Variants in TMPRSS2 observed in about 807,000 individuals in gnomAD.
The protein encoded by TMPRSS2 is transmembrane serine protease 2.
TMPRSS2 carries 59 observed loss-of-function variants against 67.4 expected under a neutral mutation model. That is an observed-to-expected ratio of 0.88 (90% CI 0.71 to 1.09). The LOEUF is 1.09. Among genes scored for constraint, TMPRSS2 ranks in the 50% least tolerant of loss-of-function variants. The probability of loss-of-function intolerance (pLI) is 0.00; values close to 1 mark genes in which losing one functional copy is unlikely to be tolerated. For missense variants in TMPRSS2, 668 were observed against 642.7 expected, an observed-to-expected ratio of 1.04 and a Z score of -0.43; for synonymous variants, 257 against 257.0, an observed-to-expected ratio of 1.00 and a Z score of 0.00.
At position 41,489,582 on chromosome 21, in the gene TMPRSS2, C is replaced by T. The variant is rs780918565; in HGVS notation, c.250G>A (p.Ala84Thr). The T allele has an allele frequency of 1.2e-6, 2 of 1,613,898 alleles. No homozygotes were observed. Among genetic ancestry groups the T allele is most frequent in the East Asian group, 2.2e-5 (1 of 44,896 alleles). The stretch of plus-strand genomic sequence containing the variant: ...CCCAGGGTCAAGGTGATGCACAGTG[C>T]TTTCTTAGTCTCTGGAAGAAGGAGG... ...GTVCTSKTKKALCITLTLGTF... is the reference protein window; with the variant it reads ...GTVCTSKTKKTLCITLTLGTF... The change falls in exon 4 of 14, where the codon GCA (alanine) becomes ACA (threonine). Residue 84 changes from alanine (A) to threonine (T), a missense_variant. Physicochemically the swap from Ala to Thr is moderately conservative, Grantham distance 58. Coordinates refer to ENST00000332149, the MANE Select transcript of TMPRSS2 (RefSeq NM_005656.4).
chr21:41,489,832 G>A (rs558043302), intron 3 of TMPRSS2, among the ~76,000 whole-genome samples: 8 of 152,216 alleles, frequency 5.3e-5, no homozygotes, highest in African/African-American at 1.9e-4. Flanking sequence ...AAAGTACACC[G>A]AGGTTAGGCT....
At chr21:41,488,215 G>T (rs2091311609) in intron 5 of TMPRSS2, among the ~76,000 whole-genome samples, 179 bp downstream of exon 5, 1 of 152,202 alleles carries the variant, frequency 6.6e-6, no homozygotes, top group Non-Finnish European at 1.5e-5. Flanking sequence ...GCTGGGTGAG[G>T]TTGGGCCGGA....
chr21:41,480,736 T>A (rs2091250887), intron 5 of TMPRSS2, 134 bp from the exon 6 acceptor site: 1 of 1,260,420 alleles, frequency 7.9e-7, no homozygotes, highest in Admixed American at 2.1e-5. Context: ...CCTCCCAGGT[T>A]CAAGTGATTC....
At position 41,498,075 on chromosome 21, in the gene TMPRSS2, A is replaced by G. The variant is rs772008934; in HGVS notation, c.15+44T>C. 7 of 1,425,240 alleles carry G rather than the reference A, an allele frequency of 4.9e-6. No homozygotes were observed. The South Asian group carries it at 7.1e-5, about 14-fold the overall frequency. 88.3% of individuals were successfully genotyped at this position (1,425,240 alleles called of 1,614,324 possible). On this transcript the variant is annotated intron_variant, in intron 2 of 13. Coordinates refer to ENST00000332149, the MANE Select transcript of TMPRSS2 (RefSeq NM_005656.4). Reference sequence around the variant, plus strand: ...AATGTTGGGAATAACAGAAGGGACAAGGGAACAAAGAAAAGGCCAGGAAGG... The same window carrying G: ...AATGTTGGGAATAACAGAAGGGACAGGGGAACAAAGAAAAGGCCAGGAAGG...
chr21:41,492,179 C>A (rs1170664786), intron 3 of TMPRSS2, among the ~76,000 whole-genome samples: 1 of 152,022 alleles, frequency 6.6e-6, no homozygotes, highest in Admixed American at 6.6e-5. Flanking sequence ...GGTGACAGAG[C>A]GAGACTTTGT....
intron 11 of TMPRSS2, among the ~76,000 whole-genome samples, chr21:41,469,908 T>C (rs1448213495): frequency 6.6e-6 from 1 of 152,110 alleles, no homozygotes; most frequent in Admixed American, 6.5e-5. Flanking sequence ...TTCCATGAGG[T>C]CTTTTGCCCA....
At chr21:41,473,585 G>T in intron 8 of TMPRSS2, 89 bp from the exon 9 acceptor site, 1 of 1,404,852 alleles carries the variant, frequency 7.1e-7, no homozygotes, top group Non-Finnish European at 9.7e-7. Context: ...GGTCTCCCAG[G>T]CTGCAAGGAC....
intron 3 of TMPRSS2, among the ~76,000 whole-genome samples, chr21:41,490,127 G>C (rs1221352903): frequency 7.4e-6 from 1 of 134,608 alleles, no homozygotes; most frequent in Non-Finnish European, 1.5e-5. Context: ...CAGCCTGGGC[G>C]ACAGAGCAAA....
At chr21:41,481,901 A>C (rs1270725153) in intron 5 of TMPRSS2, among the ~76,000 whole-genome samples, 1 of 152,058 alleles carries the variant, frequency 6.6e-6, no homozygotes, top group African/African-American at 2.4e-5. Flanking sequence ...ATCTCTACTA[A>C]AATGCAAAAA....
chr21:41,486,930 G>C (rs952309501), intron 5 of TMPRSS2: 1 of 152,202 alleles, frequency 6.6e-6, no homozygotes, highest in Admixed American at 6.5e-5. Context: ...ACTTTGCACC[G>C]TGGGGGTGGG....
intron 11 of TMPRSS2, 191 bp from the exon 12 acceptor site, chr21:41,468,729 G>A (rs754679935): frequency 1.8e-4 from 109 of 594,564 alleles, no homozygotes; most frequent in Non-Finnish European, 2.8e-4. Context: ...TACAACTGGC[G>A]GTGCCTGTGC....
At chr21:41,484,384 T>C (rs2091280177) in intron 5 of TMPRSS2, among the ~76,000 whole-genome samples, 1 of 152,106 alleles carries the variant, frequency 6.6e-6, no homozygotes, top group Non-Finnish European at 1.5e-5. Context: ...GCAACGGAAG[T>C]AGAAAGTGAA....
At chr21:41,503,662 C>T (rs775896745) in intron 1 of TMPRSS2, among the ~76,000 whole-genome samples, 2 of 152,204 alleles carry the variant, frequency 1.3e-5, no homozygotes, top group African/African-American at 2.4e-5. Context: ...AGAAAGTTCA[C>T]ATATGGCCTG....
Position 41,491,200 on chromosome 21 carries a change from G to A in TMPRSS2, c.239-1607C>T, listed in dbSNP as rs143270468. Reference sequence around the variant, plus strand: ...TGAGACAGGGTCTTGCTTGTTGCCCGGGCTGGAATGCAGTGGCACAATCAT... The same window carrying A: ...TGAGACAGGGTCTTGCTTGTTGCCCAGGCTGGAATGCAGTGGCACAATCAT... On this transcript the variant is annotated intron_variant, in intron 3 of 13. Coordinates refer to ENST00000332149, the MANE Select transcript of TMPRSS2 (RefSeq NM_005656.4). 5.9e-3 allele frequency among the ~76,000 whole-genome samples: 804 copies of A among 137,210 alleles called. 5 individuals are homozygous for A. Among genetic ancestry groups the A allele is most frequent in the Non-Finnish European group, 8.0e-3 (520 of 65,076 alleles). The allele number at this position is 137,210 out of a possible 152,430, so 90.0% of individuals were successfully genotyped here.
chr21:41,508,141 C>T lies in TMPRSS2; in HGVS notation c.-117G>A. On this transcript the variant is annotated 5_prime_UTR_variant, in exon 1 of 14. Transcript: ENST00000332149. ...CCTCCGCCTCCGCCTCCGCCTCCTG[C>T]TTAGCTCGCGCCTACTCGGCCCGGC... 1 of 847,316 alleles carries T rather than the reference C, an allele frequency of 1.2e-6. No homozygotes were observed. Among genetic ancestry groups the T allele is most frequent in the Non-Finnish European group, 1.6e-6 (1 of 617,810 alleles). The allele number at this position is 847,316 out of a possible 1,614,324, so 52.5% of individuals were successfully genotyped here.
At chr21:41,504,900 A>G (rs1437434658) in intron 1 of TMPRSS2, among the ~76,000 whole-genome samples, 4 of 152,080 alleles carry the variant, frequency 2.6e-5, no homozygotes, top group African/African-American at 7.2e-5. Flanking sequence ...ATATTGGAGG[A>G]TCCCCTGGCA....
chr21:41,473,670 C>T (rs918831924), intron 8 of TMPRSS2, among the ~76,000 whole-genome samples, 174 bp from the exon 9 acceptor site: 1 of 151,872 alleles, frequency 6.6e-6, no homozygotes, highest in Non-Finnish European at 1.5e-5. Context: ...GGAGGATGCC[C>T]CTCCAGCCCA....
At position 41,491,151 on chromosome 21, in the gene TMPRSS2, ATTT is replaced by A. The variant is rs35598191; in HGVS notation, c.239-1561_239-1559del. Among the ~76,000 whole-genome samples, 1,049 of 106,560 alleles carry A rather than the reference ATTT, an allele frequency of 9.8e-3. 8 individuals carry two copies. The highest frequency in any genetic ancestry group is 0.029 in the African/African-American group (849 of 28,888). The allele number at this position is 106,560 out of a possible 152,430, so 69.9% of individuals were successfully genotyped here. A position where few individuals can be genotyped will look rare whatever the true frequency, so the allele number is the denominator to read the frequency against. ...GGGGTCGGGCATGAATCTGCATTGC[ATTT>A]TTTTTTTTTTTTTTTTTTTTTGAGA... On this transcript the variant is annotated intron_variant, in intron 3 of 13. Transcript: ENST00000332149.
At chr21:41,501,440 C>A (rs1341366694) in intron 1 of TMPRSS2, among the ~76,000 whole-genome samples, 1 of 152,048 alleles carries the variant, frequency 6.6e-6, no homozygotes, top group African/African-American at 2.4e-5. Flanking sequence ...GAAACCCCAT[C>A]TCTACTAAAA....
Sources: allele counts gnomAD v4.1 joint callset (sites outside exome capture counted in the v4.1 genomes callset), GRCh38; gene constraint gnomAD v4.1.1; transcripts MANE v1.5; gene names NCBI Gene and HGNC (gene_info 2026-07-23, HGNC 2026-07-21).